The following SGSM1 variants were observed in gnomAD, a reference collection of about 807,000 sequenced individuals.
The protein encoded by SGSM1 is RUN and TBC1 domain containing 2.
SGSM1 carries 73 observed loss-of-function variants against 133.8 expected under a neutral mutation model. The observed-to-expected ratio is 0.55, with a 90% CI of 0.45 to 0.66. SGSM1 has a LOEUF of 0.66. SGSM1 is among the 30% of genes least tolerant of loss of function. The pLI is 0.00. For missense variants in SGSM1, 1,213 were observed against 1,448.1 expected, an observed-to-expected ratio of 0.84 and a Z score of 2.64; for synonymous variants, 563 against 573.0, an observed-to-expected ratio of 0.98 and a Z score of 0.25.
chr22:24,887,273 C>T (rs1932668989), intron 16 of SGSM1, among the ~76,000 whole-genome samples: 1 of 152,050 alleles, frequency 6.6e-6, no homozygotes, highest in Admixed American at 6.6e-5. Flanking sequence ...ACACCCTGGC[C>T]CTAATTCCTG....
intron 24 of SGSM1, among the ~76,000 whole-genome samples, chr22:24,921,703 CTTT>C (rs76823932): frequency 8.2e-5 from 12 of 145,626 alleles, no homozygotes; most frequent in Admixed American, 2.8e-4. Flanking sequence ...ACATATGTAT[CTTT>C]TTTTTTTTTT....
At chr22:24,901,109 T>C (rs144879226) in intron 19 of SGSM1, 1 of 152,340 alleles carries the variant, frequency 6.6e-6, no homozygotes, top group Admixed American at 6.5e-5. Context: ...ATTTAATAAC[T>C]ATGTTCAAGG....
chr22:24,820,759 T>C (rs2147793239), intron 2 of SGSM1, among the ~76,000 whole-genome samples: 1 of 152,330 alleles, frequency 6.6e-6, no homozygotes, highest in Admixed American at 6.5e-5. Context: ...GCTGAGCGCC[T>C]ACTGTGTACC....
intron 2 of SGSM1, among the ~76,000 whole-genome samples, chr22:24,820,823 C>G (rs992276764): frequency 1.3e-5 from 2 of 152,326 alleles, no homozygotes; most frequent in Non-Finnish European, 2.9e-5. Flanking sequence ...GGTGAGATCC[C>G]TGCCTTCAGC....
intron 2 of SGSM1, among the ~76,000 whole-genome samples, chr22:24,828,115 C>T (rs1928901125): frequency 6.6e-6 from 1 of 152,062 alleles, no homozygotes; most frequent in Non-Finnish European, 1.5e-5. Context: ...CTTTGGTCCT[C>T]AAGTTGGGAG....
At chr22:24,831,588 C>T (rs1031392767) in intron 2 of SGSM1, among the ~76,000 whole-genome samples, 1 of 152,168 alleles carries the variant, frequency 6.6e-6, no homozygotes, top group African/African-American at 2.4e-5. Context: ...TGGAGGCAGT[C>T]AGGGCCTTCT....
intron 2 of SGSM1, among the ~76,000 whole-genome samples, chr22:24,813,270 T>C (rs1054694748): frequency 3.9e-5 from 6 of 152,144 alleles, no homozygotes; most frequent in Admixed American, 6.5e-5. Context: ...ACCTTGTCCA[T>C]CGAAGGCATC....
chr22:24,911,588 T>A (rs1419242849), intron 21 of SGSM1, among the ~76,000 whole-genome samples: 3 of 152,068 alleles, frequency 2.0e-5, no homozygotes, highest in Non-Finnish European at 4.4e-5. Flanking sequence ...ACATCAGCAG[T>A]CATAAATCAT....
rs577040894 is a variant in SGSM1 at position 24,861,314 on chromosome 22, T to C, written c.926+1474T>C. Among the ~76,000 whole-genome samples, 663 of 143,370 alleles carry C rather than the reference T, an allele frequency of 4.6e-3. 6 individuals are homozygous for C. The highest frequency in any genetic ancestry group is 0.016 in the African/African-American group (601 of 38,550). The allele number at this position is 143,370 out of a possible 152,430, so 94.1% of individuals were successfully genotyped here. The stretch of plus-strand genomic sequence containing the variant: ...TTGCAGTGAGCCGAGATCGCGCCAC[T>C]GCACTCCAGCCTGGATGACAGGGCG... On this transcript the variant is annotated intron_variant, in intron 9 of 24. Coordinates refer to ENST00000400358, the MANE Select transcript of SGSM1 (RefSeq NM_001098497.3).
At chr22:24,882,781 G>GT (rs143324396) in intron 14 of SGSM1, among the ~76,000 whole-genome samples, 5,706 of 151,896 alleles carry the variant, frequency 0.038, 366 homozygotes, top group African/African-American at 0.13. Context: ...TGTGCCTCGC[G>GT]TTTTTTTGCT....
chr22:24,918,495 CA>C (rs36015942), intron 23 of SGSM1, among the ~76,000 whole-genome samples: 101 of 139,016 alleles, frequency 7.3e-4, no homozygotes, highest in Middle Eastern at 3.7e-3. Flanking sequence ...GACTCCATCT[CA>C]AAAAAAAAAA....
chr22:24,907,411 A>G (rs949248777), intron 21 of SGSM1, among the ~76,000 whole-genome samples: 3 of 152,164 alleles, frequency 2.0e-5, no homozygotes, highest in Admixed American at 6.6e-5. Context: ...ATAAATGGAA[A>G]GATATCTCAT....
rs879539226 is a variant in SGSM1 at position 24,903,208 on chromosome 22, C to CT, written c.2735+1265dup. On this transcript the variant is annotated intron_variant, in intron 20 of 24. Transcript: ENST00000400358. The stretch of plus-strand genomic sequence containing the variant: ...TATTGTATAACATAATATGAATGTA[C>CT]TTTTTTTTTTTTTTAATGGAGATGG... Among the ~76,000 whole-genome samples, 630 of 143,096 alleles carry CT rather than the reference C, an allele frequency of 4.4e-3. 1 individual carries two copies. The highest frequency in any genetic ancestry group is 5.9e-3 in the Non-Finnish European group (384 of 65,070). The allele number at this position is 143,096 out of a possible 152,430, so 93.9% of individuals were successfully genotyped here.
chr22:24,853,868 T>G (rs1240750594), intron 5 of SGSM1, among the ~76,000 whole-genome samples: 1 of 150,860 alleles, frequency 6.6e-6, no homozygotes, highest in East Asian at 1.9e-4. Context: ...CCGCCCACCT[T>G]GGCCTCCCAA....
intron 4 of SGSM1, 51 bp downstream of exon 4, chr22:24,847,847 C>T: frequency 6.3e-7 from 1 of 1,592,230 alleles, no homozygotes; most frequent in Non-Finnish European, 8.6e-7. Flanking sequence ...CAATAGTCCA[C>T]AGTCCTCCCT....
chr22:24,901,286 CT>C (rs1280620571), intron 19 of SGSM1: 1 of 152,016 alleles, frequency 6.6e-6, no homozygotes, highest in African/African-American at 2.4e-5. Flanking sequence ...GGTGTGACTC[CT>C]TAGGGCCCTA....
intron 21 of SGSM1, among the ~76,000 whole-genome samples, chr22:24,911,492 G>GC (rs1933622255): frequency 6.6e-6 from 1 of 151,964 alleles, no homozygotes; most frequent in Non-Finnish European, 1.5e-5. Flanking sequence ...TGCACATAGT[G>GC]ACTTGTTTCC....
At chr22:24,806,562 G>T in intron 2 of SGSM1, 78 bp downstream of exon 2, 1 of 1,448,290 alleles carries the variant, frequency 6.9e-7, no homozygotes, top group Non-Finnish European at 9.1e-7. Flanking sequence ...TTCGTGGAAG[G>T]GTGGCCTCTG....
intron 15 of SGSM1, among the ~76,000 whole-genome samples, chr22:24,885,199 TG>T (rs1932534042): frequency 6.6e-6 from 1 of 152,112 alleles, no homozygotes; most frequent in South Asian, 2.1e-4. Context: ...CCTCCCAAAG[TG>T]CTGGGATTAC....
Sources: allele counts gnomAD v4.1 joint callset (sites outside exome capture counted in the v4.1 genomes callset), GRCh38; gene constraint gnomAD v4.1.1; transcripts MANE v1.5; gene names NCBI Gene and HGNC (gene_info 2026-07-23, HGNC 2026-07-21).